STPG1: variants seen among roughly 807,000 people sequenced by gnomAD.
STPG1 encodes sperm tail PG-rich repeat containing 1, also known as O(6)-methylguanine-induced apoptosis 2.
A neutral mutation model predicts 40.1 loss-of-function variants in STPG1; 33 were observed. The ratio of observed to expected loss-of-function variants is 0.82; its 90% confidence interval spans 0.62 to 1.10. The LOEUF is 1.10. Ranked by LOEUF, STPG1 falls within the 50% of genes least tolerant of loss-of-function variation. STPG1 has a pLI of 0.00. For synonymous variants in STPG1, 150 were observed against 155.0 expected (o/e 0.97, Z 0.24); for missense variants, 396 against 415.1 (o/e 0.95, Z 0.40).
chr1:24,376,070 GAGTGC>G (rs2148691983), intron 5 of STPG1, among the ~76,000 whole-genome samples: 1 of 152,312 alleles, frequency 6.6e-6, no homozygotes, highest in Admixed American at 6.5e-5. Context: ...ACCTAGGCTG[GAGTGC>G]AGTAGTGTGA....
chr1:24,369,220 T>C (rs1442745604), intron 7 of STPG1: 1 of 392,222 alleles, frequency 2.5e-6, no homozygotes, highest in Non-Finnish European at 5.2e-6. Flanking sequence ...GCTTGACTGC[T>C]TCTGAATGTC....
chr1:24,371,137 C>T lies in STPG1; in HGVS notation c.572-1298G>A, dbSNP rs918632012. ...GTCAGTAGCCCTGTGAATGGATGTT[C>T]TCCACCACTCTATTCATATTAGCAA... is the stretch of plus-strand genomic sequence containing the variant. On this transcript the variant is annotated intron_variant, in intron 6 of 8. Coordinates refer to ENST00000337248, the MANE Select transcript of STPG1 (RefSeq NM_001199013.2). 6.6e-5 allele frequency among the ~76,000 whole-genome samples: 10 copies of T among 152,268 alleles called. No homozygotes were observed. In the South Asian group the frequency reaches 2.1e-3, roughly 32 times the overall value.
upstream of STPG1, chr1:24,414,577 C>T (rs192818432): frequency 9.6e-3 from 1,381 of 143,922 alleles, 9 homozygotes; most frequent in Middle Eastern, 0.015. Flanking sequence ...GCTCTGTCGC[C>T]CAGCTGGAGT....
At chr1:24,370,771 G>A (rs929261000) in intron 6 of STPG1, among the ~76,000 whole-genome samples, 31 of 149,872 alleles carry the variant, frequency 2.1e-4, no homozygotes, top group South Asian at 6.3e-4. Context: ...GATTATAGGC[G>A]TGAGCCACTG....
chr1:24,392,544 T>C (rs1396766511), intron 2 of STPG1, among the ~76,000 whole-genome samples: 1 of 152,186 alleles, frequency 6.6e-6, no homozygotes, highest in Non-Finnish European at 1.5e-5. Flanking sequence ...CGCAGACCCC[T>C]GCCCTCAGTC....
intron 1 of STPG1, among the ~76,000 whole-genome samples, chr1:24,412,614 T>G (rs1272867356): frequency 6.6e-6 from 1 of 152,192 alleles, no homozygotes; most frequent in Non-Finnish European, 1.5e-5. Flanking sequence ...ATCCCAGCAC[T>G]TTGAGAGGCT....
chr1:24,394,725 A>G (rs1642918975), intron 2 of STPG1, among the ~76,000 whole-genome samples: 1 of 152,198 alleles, frequency 6.6e-6, no homozygotes, highest in African/African-American at 2.4e-5. Context: ...CAAATTAGAC[A>G]TTAGAGGAAA....
intron 1 of STPG1, among the ~76,000 whole-genome samples, chr1:24,404,072 G>C (rs961090130): frequency 3.3e-5 from 5 of 152,074 alleles, no homozygotes; most frequent in Admixed American, 2.6e-4. Context: ...TACAATGTTA[G>C]TTGTAGGTTT....
At chr1:24,369,242 GC>G in intron 7 of STPG1, 1 of 406,964 alleles carries the variant, frequency 2.5e-6, no homozygotes, top group Non-Finnish European at 5.1e-6. Context: ...TGCCACTCCA[GC>G]GAAGATTTTA....
At chr1:24,369,440 G>C (rs1014840574) in intron 7 of STPG1, 1 of 660,818 alleles carries the variant, frequency 1.5e-6, no homozygotes, top group Non-Finnish European at 2.8e-6. Flanking sequence ...CTTACAACAG[G>C]ATTATAATAA....
At chr1:24,373,302 G>A (rs1018084227) in intron 6 of STPG1, among the ~76,000 whole-genome samples, 3 of 152,180 alleles carry the variant, frequency 2.0e-5, no homozygotes, top group South Asian at 2.1e-4. Context: ...GAAAATGAAC[G>A]TGGCAGCTCA....
chr1:24,373,850 C>A, intron 5 of STPG1, 40 bp from the exon 6 acceptor site: 1 of 1,410,624 alleles, frequency 7.1e-7, no homozygotes, highest in Non-Finnish European at 1.0e-6. Flanking sequence ...CAGTACCTTT[C>A]CTTTCTTTGT....
intron 3 of STPG1, among the ~76,000 whole-genome samples, chr1:24,388,083 T>C (rs958999452): frequency 6.6e-6 from 1 of 152,222 alleles, no homozygotes; most frequent in Non-Finnish European, 1.5e-5. Context: ...ACCTATGTCC[T>C]ACCTGTATTT....
chr1:24,370,908 A>ATG (rs930784701), intron 6 of STPG1, among the ~76,000 whole-genome samples: 1 of 152,032 alleles, frequency 6.6e-6, no homozygotes, highest in Non-Finnish European at 1.5e-5. Context: ...GGTGTGAGCC[A>ATG]TCATGCCCAG....
At chr1:24,400,837 C>T (rs1396002578) in intron 2 of STPG1, among the ~76,000 whole-genome samples, 1 of 152,128 alleles carries the variant, frequency 6.6e-6, no homozygotes, top group East Asian at 1.9e-4. Flanking sequence ...GTATTCCTCC[C>T]CACCCCAACC....
chr1:24,390,813 A>T (rs523902), intron 3 of STPG1, among the ~76,000 whole-genome samples: 85,224 of 147,838 alleles, frequency 0.58, 24,555 homozygotes, highest in East Asian at 0.76. Context: ...TTTTTTTTTT[A>T]ATTTCAGACA....
At chr1:24,369,551 CCCCTGAAGAGAGTGG>C (rs1328740620) in intron 7 of STPG1, 108 bp downstream of exon 7, 7 of 1,006,048 alleles carry the variant, frequency 7.0e-6, no homozygotes, top group African/African-American at 1.6e-5. Flanking sequence ...TGACTAAGGG[CCCCTGAAGAGAGTGG>C]CCCGGCACTG....
rs758200725 is a variant in STPG1 at position 24,379,771 on chromosome 1, G to C, written c.344C>G (p.Thr115Ser). The C allele has an allele frequency of 3.1e-6, 5 of 1,614,050 alleles. No homozygotes were observed. The highest frequency in any genetic ancestry group is 1.1e-5 in the South Asian group (1 of 91,084). Reference sequence around the variant, plus strand: ...CTTGGAAATAAAATCCGATGGGATAGTGTATGCATTCGCTGCAGGGTATTT... The same window carrying C: ...CTTGGAAATAAAATCCGATGGGATACTGTATGCATTCGCTGCAGGGTATTT... Reference protein sequence around the residue: ...ISKYPAANAYTIPSDFISKRD... With the variant: ...ISKYPAANAYSIPSDFISKRD... Residue 115 changes from threonine to serine, a missense_variant, in exon 5 of 9, where the codon ACT becomes AGT. Physicochemically the swap from Thr to Ser is moderately conservative, Grantham distance 58. Coordinates refer to ENST00000337248, the MANE Select transcript of STPG1 (RefSeq NM_001199013.2).
At position 24,371,646 on chromosome 1, in the gene STPG1, G is replaced by A. The variant is rs140130895; in HGVS notation, c.572-1807C>T. ...TGCTTAAATTTTTAAAGAAGCAGATGTCAGCAGCATTTACAATACTGGATA... is the reference window on the plus strand; with the variant it reads ...TGCTTAAATTTTTAAAGAAGCAGATATCAGCAGCATTTACAATACTGGATA... On this transcript the variant is annotated intron_variant, in intron 6 of 8. Transcript: ENST00000337248. 7.9e-5 allele frequency among the ~76,000 whole-genome samples: 12 copies of A among 151,708 alleles called. No homozygotes were observed. The East Asian group carries it at 2.3e-3, about 29-fold the overall frequency.
Sources: gnomAD v4.1 joint callset for allele counts (sites outside exome capture counted in the v4.1 genomes callset) on GRCh38, gnomAD v4.1.1 for gene constraint, MANE v1.5 for transcripts, NCBI Gene and HGNC (gene_info 2026-07-23, HGNC 2026-07-21) for gene names.